Variants in FKBP14 observed in about 807,000 individuals in gnomAD.
FKBP14 encodes the protein FKBP prolyl isomerase 14.
FKBP14 carries 20 observed loss-of-function variants against 21.6 expected under a neutral mutation model. The ratio of observed to expected loss-of-function variants is 0.92; its 90% CI spans 0.65 to 1.34. The LOEUF is 1.34. Among genes scored for constraint, FKBP14 ranks in the 40% most tolerant of loss-of-function variants. FKBP14 has a pLI of 0.00. For missense variants in FKBP14, 253 were observed against 249.0 expected (o/e 1.02, Z -0.11); for synonymous variants, 79 against 86.7 (o/e 0.91, Z 0.49).
downstream of FKBP14, among the ~76,000 whole-genome samples, chr7:30,008,779 A>G (rs1022733225): frequency 1.3e-5 from 2 of 152,136 alleles, no homozygotes; most frequent in Non-Finnish European, 2.9e-5. Flanking sequence ...GATCAAGACC[A>G]TCCTGGCTAA....
At chr7:30,024,264 A>G (rs1317419896) in intron 1 of FKBP14, among the ~76,000 whole-genome samples, 1 of 152,238 alleles carries the variant, frequency 6.6e-6, no homozygotes, top group Non-Finnish European at 1.5e-5. Context: ...AAGGCTAGAA[A>G]TGAAAAAAGA....
rs758622304 is a variant in FKBP14, at chr7:30,026,311, C to T, written c.197+1G>A. The T allele has an allele frequency of 2.5e-6, 4 of 1,601,172 alleles. No individual in the cohort carries two copies. The highest frequency in any genetic ancestry group is 2.7e-5 in the African/African-American group (2 of 74,454). Reference sequence around the variant, plus strand: ...TTTACCTGCGGGGCATAATTACTTACGTGGAGTGAAATAAGGAGCCGTCCT... The same window carrying T: ...TTTACCTGCGGGGCATAATTACTTATGTGGAGTGAAATAAGGAGCCGTCCT... On this transcript the variant is annotated splice_donor_variant, in intron 1 of 3. Coordinates refer to ENST00000222803, the MANE Select transcript of FKBP14 (RefSeq NM_017946.4). LOFTEE classifies it high-confidence loss of function.
intron 1 of FKBP14, chr7:30,025,266 C>CT (rs1790144148): frequency 6.6e-6 from 1 of 152,266 alleles, no homozygotes; most frequent in Non-Finnish European, 1.5e-5. Flanking sequence ...TCTGGGAAGT[C>CT]TTTCCCTTTC....
At position 30,026,684 on chromosome 7, in the gene FKBP14, T is replaced by C. The variant is rs753549287; in HGVS notation, c.-176A>G. 1.6e-4 allele frequency: 94 copies of C among 577,806 alleles called. No individual in the cohort carries two copies. Among genetic ancestry groups the C allele is most frequent in the Non-Finnish European group, 2.7e-4 (90 of 336,612 alleles). 35.8% of individuals were successfully genotyped at this position (577,806 alleles called of 1,614,324 possible). A position where few individuals can be genotyped will look rare whatever the true frequency, so the allele number is the denominator to read the frequency against. ...ACTCTTTTCTCAAGGGTCACGAACC[T>C]ACCTTTAAAGAGTTAAGCCCAAATG... On this transcript the variant is annotated 5_prime_UTR_variant, in exon 1 of 4. Coordinates refer to ENST00000222803, the MANE Select transcript of FKBP14 (RefSeq NM_017946.4).
downstream of FKBP14, among the ~76,000 whole-genome samples, chr7:30,007,148 T>A (rs1437757048): frequency 2.0e-5 from 3 of 152,174 alleles, no homozygotes. Context: ...CAAGCTTAAT[T>A]TGAACTGTCT....
At chr7:30,005,972 G>A (rs1246552367), downstream of FKBP14, among the ~76,000 whole-genome samples, 2 of 151,744 alleles carry the variant, frequency 1.3e-5, no homozygotes, top group Non-Finnish European at 2.9e-5. Flanking sequence ...TTCACAGAGG[G>A]GTACCATGTA....
chr7:30,006,372 C>T (rs1366248285), downstream of FKBP14, among the ~76,000 whole-genome samples: 2 of 151,846 alleles, frequency 1.3e-5, no homozygotes, highest in Non-Finnish European at 2.9e-5. Context: ...AGTGATCCTC[C>T]TTCCTTGGCC....
intron 1 of FKBP14, among the ~76,000 whole-genome samples, chr7:30,024,832 C>T (rs1225840208): frequency 6.6e-6 from 1 of 152,198 alleles, no homozygotes; most frequent in Non-Finnish European, 1.5e-5. Flanking sequence ...TGGCTACCAC[C>T]AAAGTCAGCA....
Position 30,011,787 on chromosome 7 carries a change from C to T in FKBP14, c.*2948G>A, listed in dbSNP as rs982445462. 2 of 151,726 alleles carry T rather than the reference C, an allele frequency of 1.3e-5. No individual in the cohort carries two copies. Among genetic ancestry groups the T allele is most frequent in the African/African-American group, 2.4e-5 (1 of 41,284 alleles). The allele number at this position is 151,726 out of a possible 1,614,324, so 9.4% of individuals were successfully genotyped here. On this transcript the variant is annotated 3_prime_UTR_variant, in exon 4 of 4. Coordinates refer to ENST00000222803, the MANE Select transcript of FKBP14 (RefSeq NM_017946.4). ...CCCAGGCTGGTCTTGAGCTTCTGGG[C>T]TCAAGCAATCCACCTGCTGAGGCAG...
chr7:30,019,398 T>G (rs117657528), intron 2 of FKBP14, among the ~76,000 whole-genome samples: 8 of 152,110 alleles, frequency 5.3e-5, no homozygotes, highest in Admixed American at 5.2e-4. Context: ...TACATAGAGA[T>G]GTACCTAATG....
chr7:30,006,341 G>T (rs1321202878), downstream of FKBP14, among the ~76,000 whole-genome samples: 8 of 151,650 alleles, frequency 5.3e-5, no homozygotes, highest in Non-Finnish European at 1.0e-4. Flanking sequence ...TGCCCAGGCT[G>T]GTCTCAAACT....
chr7:30,015,774 C>T (rs1789868238), intron 3 of FKBP14, among the ~76,000 whole-genome samples: 1 of 151,170 alleles, frequency 6.6e-6, no homozygotes, highest in Admixed American at 6.6e-5. Context: ...TACAGGCGCC[C>T]GCCACCACGC....
intron 2 of FKBP14, among the ~76,000 whole-genome samples, chr7:30,021,953 A>G (rs1212699696): frequency 1.3e-5 from 2 of 152,282 alleles, no homozygotes; most frequent in East Asian, 1.9e-4. Flanking sequence ...AACTAGTACA[A>G]AAGCTGTCCG....
intron 2 of FKBP14, chr7:30,020,106 A>C: frequency 7.0e-6 from 3 of 429,684 alleles, no homozygotes; most frequent in Non-Finnish European, 1.1e-5. Context: ...AGGTCTGTGT[A>C]AACATGTTAA....
intron 2 of FKBP14, among the ~76,000 whole-genome samples, chr7:30,021,101 A>G (rs749308447): frequency 9.2e-5 from 14 of 152,160 alleles, no homozygotes; most frequent in Non-Finnish European, 1.3e-4. Context: ...TCTGATGACT[A>G]CTTAAACTTT....
chr7:30,023,884 CAT>C (rs536123361), intron 1 of FKBP14, among the ~76,000 whole-genome samples: 6 of 152,270 alleles, frequency 3.9e-5, no homozygotes, highest in East Asian at 3.9e-4. Context: ...CCTTCCACAA[CAT>C]GTGGGGATTA....
intron 3 of FKBP14, among the ~76,000 whole-genome samples, chr7:30,016,653 C>T (rs1472743794): frequency 1.3e-5 from 2 of 152,200 alleles, no homozygotes; most frequent in Non-Finnish European, 2.9e-5. Context: ...CTTGGCCTCC[C>T]AAAGTGCTGG....
rs756538063 is a variant in FKBP14, at chr7:30,022,795, C to G, written c.219G>C (p.Gln73His). 2 of 1,613,710 alleles carry G rather than the reference C, an allele frequency of 1.2e-6. No individual in the cohort carries two copies. The highest frequency in any genetic ancestry group is 2.7e-5 in the African/African-American group (2 of 74,886). The change falls in exon 2 of 4, where the codon CAG (glutamine) becomes CAC (histidine). Residue 73 changes from glutamine (Q) to histidine (H), a missense_variant. By Grantham distance (24) the Gln-to-His change is conservative. Transcript: ENST00000222803. ...GGATGCCCAGGGTAAACCAAATGGG[C>G]TGACCATTGTTATGTTTGTGACTAT... ...FHSTHKHNNG[Q>H]PIWFTLGILE...
At chr7:30,006,960 T>G (rs976852835), downstream of FKBP14, among the ~76,000 whole-genome samples, 1 of 152,256 alleles carries the variant, frequency 6.6e-6, no homozygotes, top group Non-Finnish European at 1.5e-5. Flanking sequence ...AATTTTCTGC[T>G]TTCTGCATTA....
Sources: gnomAD v4.1 joint callset for allele counts (sites outside exome capture counted in the v4.1 genomes callset) on GRCh38, gnomAD v4.1.1 for gene constraint, MANE v1.5 for transcripts, NCBI Gene and HGNC (gene_info 2026-07-23, HGNC 2026-07-21) for gene names.